SH3PXD2A: variants seen among roughly 807,000 people sequenced by gnomAD.
SH3PXD2A encodes the protein SH3 and PX domain-containing protein 2A.
In SH3PXD2A, 32 loss-of-function variants were observed where a neutral mutation model predicts 115.2. The ratio of observed to expected loss-of-function variants is 0.28; its 90% CI spans 0.21 to 0.37. The LOEUF is 0.37. Among genes scored for constraint, SH3PXD2A ranks in the 10% least tolerant of loss-of-function variants. The probability of loss-of-function intolerance (pLI) is 1.00; values close to 1 mark genes in which losing one functional copy is unlikely to be tolerated. For synonymous variants in SH3PXD2A, 610 were observed against 629.1 expected, an observed-to-expected ratio of 0.97 and a Z score of 0.45; for missense variants, 1,328 against 1,498.7, an observed-to-expected ratio of 0.89 and a Z score of 1.88.
intron 2 of SH3PXD2A, among the ~76,000 whole-genome samples, chr10:103,777,653 G>A (rs1365041500): frequency 6.6e-6 from 1 of 152,222 alleles, no homozygotes; most frequent in South Asian, 2.1e-4. Context: ...ATGCCCAAAA[G>A]GTGCCCAAGT....
At chr10:103,676,397 C>T (rs1305648582) in intron 6 of SH3PXD2A, among the ~76,000 whole-genome samples, 2 of 152,162 alleles carry the variant, frequency 1.3e-5, no homozygotes, top group African/African-American at 2.4e-5. Flanking sequence ...GCCTGGAGAC[C>T]CTCCACAGCC....
intron 6 of SH3PXD2A, among the ~76,000 whole-genome samples, chr10:103,669,782 C>T (rs938874552): frequency 2.6e-5 from 4 of 152,272 alleles, no homozygotes; most frequent in African/African-American, 9.6e-5. Flanking sequence ...AACTCTCGCA[C>T]TGCCCACCAG....
intron 1 of SH3PXD2A, among the ~76,000 whole-genome samples, chr10:103,835,940 G>C (rs1249951615): frequency 1.3e-5 from 2 of 152,188 alleles, no homozygotes; most frequent in African/African-American, 4.8e-5. Context: ...ATCTCACCAA[G>C]CTCCCCCTTC....
intron 1 of SH3PXD2A, among the ~76,000 whole-genome samples, chr10:103,853,750 A>C (rs2134334923): frequency 6.6e-6 from 1 of 152,356 alleles, no homozygotes; most frequent in East Asian, 1.9e-4. Context: ...TGTTGAATGC[A>C]GTGCCAAGCT....
chr10:103,789,529 G>A (rs1353648304), intron 2 of SH3PXD2A, among the ~76,000 whole-genome samples: 2 of 134,502 alleles, frequency 1.5e-5, no homozygotes, highest in African/African-American at 6.0e-5. Flanking sequence ...GTGTGTATAC[G>A]TACACACACA....
intron 7 of SH3PXD2A, chr10:103,661,883 CCAGCG>C: frequency 1.2e-5 from 12 of 985,256 alleles, no homozygotes; most frequent in Non-Finnish European, 1.3e-5. Flanking sequence ...AGTCCCCGCG[CCAGCG>C]GCTGGCGAGC....
In SH3PXD2A at chr10:103,600,935, C is replaced by G. The variant is rs1564840230; in HGVS notation, c.*881G>C. On this transcript the variant is annotated 3_prime_UTR_variant, in exon 15 of 15. Coordinates refer to ENST00000369774, the MANE Select transcript of SH3PXD2A (RefSeq NM_001394015.1). ...CGACCACCCAGGCCCCCAAACAACC[C>G]CTAAAATAAGACGCAAACCAAAGGC... is the stretch of plus-strand genomic sequence containing the variant. 1 of 152,322 alleles carries G rather than the reference C, an allele frequency of 6.6e-6. No homozygotes were observed. The highest frequency in any genetic ancestry group is 2.1e-4 in the South Asian group (1 of 4,826). The allele number at this position is 152,322 out of a possible 1,614,324, so 9.4% of individuals were successfully genotyped here. A position where few individuals can be genotyped will look rare whatever the true frequency, so the allele number is the denominator to read the frequency against.
chr10:103,617,980 T>C (rs369536980), intron 10 of SH3PXD2A, among the ~76,000 whole-genome samples: 74 of 152,328 alleles, frequency 4.9e-4, no homozygotes, highest in African/African-American at 1.8e-3. Flanking sequence ...AAGGGTTCGA[T>C]GGCCAAATGA....
At chr10:103,609,030 C>T (rs1318793239) in intron 13 of SH3PXD2A, 1 of 152,022 alleles carries the variant, frequency 6.6e-6, no homozygotes, top group African/African-American at 2.4e-5. Context: ...GTGTTATGCA[C>T]CTGTGGTCCC....
intron 5 of SH3PXD2A, among the ~76,000 whole-genome samples, chr10:103,715,203 G>C (rs1433544256): frequency 6.6e-6 from 1 of 152,154 alleles, no homozygotes. Context: ...AGTACATAGG[G>C]GCATTTTCTA....
At chr10:103,798,831 G>A (rs7896328) in intron 2 of SH3PXD2A, among the ~76,000 whole-genome samples, 8,134 of 152,268 alleles carry the variant, frequency 0.053, 613 homozygotes, top group East Asian at 0.28. Context: ...ACTGGGCACA[G>A]GGAGCTCACC....
At chr10:103,740,358 G>C (rs1452452477) in intron 3 of SH3PXD2A, among the ~76,000 whole-genome samples, 1 of 152,174 alleles carries the variant, frequency 6.6e-6, no homozygotes, top group East Asian at 1.9e-4. Flanking sequence ...AGCCTTGAGA[G>C]CCACCGTGAG....
intron 5 of SH3PXD2A, among the ~76,000 whole-genome samples, chr10:103,718,045 T>C (rs2038128037): frequency 6.6e-6 from 1 of 151,740 alleles, no homozygotes; most frequent in East Asian, 1.9e-4. Flanking sequence ...CTGTCTCTGT[T>C]GCCCAGGCTG....
intron 6 of SH3PXD2A, among the ~76,000 whole-genome samples, chr10:103,681,288 A>G (rs930402467): frequency 2.0e-5 from 3 of 151,934 alleles, no homozygotes; most frequent in African/African-American, 7.3e-5. Context: ...CCATCTCAGG[A>G]GACAACTGAA....
chr10:103,647,175 C>G (rs1011792893), intron 8 of SH3PXD2A, among the ~76,000 whole-genome samples: 9 of 152,152 alleles, frequency 5.9e-5, no homozygotes, highest in African/African-American at 2.2e-4. Context: ...CTTCACTCCC[C>G]AGGAAGCGGG....
Position 103,596,958 on chromosome 10 carries a change from G to A in SH3PXD2A, c.*4858C>T, listed in dbSNP as rs1036459799. On this transcript the variant is annotated 3_prime_UTR_variant, in exon 15 of 15. Coordinates refer to ENST00000369774, the MANE Select transcript of SH3PXD2A (RefSeq NM_001394015.1). Reference sequence around the variant, plus strand: ...CAGGGACGTCCCTGTCACCTTGAGGGGCAGAGCTCTGAGGCTCCAACCCAG... The same window carrying A: ...CAGGGACGTCCCTGTCACCTTGAGGAGCAGAGCTCTGAGGCTCCAACCCAG... 12 of 152,530 alleles carry A rather than the reference G, an allele frequency of 7.9e-5. No individual in the cohort carries two copies. The highest frequency in any genetic ancestry group is 2.4e-4 in the African/African-American group (10 of 41,404). 9.4% of individuals were successfully genotyped at this position (152,530 alleles called of 1,614,324 possible). A position where few individuals can be genotyped will look rare whatever the true frequency, so the allele number is the denominator to read the frequency against.
At chr10:103,687,516 A>G (rs1018581764) in intron 6 of SH3PXD2A, among the ~76,000 whole-genome samples, 13 of 152,066 alleles carry the variant, frequency 8.5e-5, no homozygotes, top group African/African-American at 2.7e-4. Context: ...TGAGGCCCAC[A>G]TCCAATCATC....
At chr10:103,695,111 C>A (rs527548506) in intron 5 of SH3PXD2A, among the ~76,000 whole-genome samples, 10 of 152,298 alleles carry the variant, frequency 6.6e-5, no homozygotes, top group African/African-American at 2.4e-4. Context: ...GGAGTGAGGG[C>A]ACTGAGGAGC....
At chr10:103,826,533 C>G (rs1331242785) in intron 1 of SH3PXD2A, among the ~76,000 whole-genome samples, 1 of 152,218 alleles carries the variant, frequency 6.6e-6, no homozygotes, top group Non-Finnish European at 1.5e-5. Context: ...GGTGATCAAA[C>G]AGCTTCAGAT....
Sources: gnomAD v4.1 joint callset for allele counts (sites outside exome capture counted in the v4.1 genomes callset) on GRCh38, gnomAD v4.1.1 for gene constraint, MANE v1.5 for transcripts, NCBI Gene and HGNC (gene_info 2026-07-23, HGNC 2026-07-21) for gene names.